Variants in SCAPER observed in about 807,000 individuals in gnomAD.
SCAPER encodes the protein S phase cyclin A-associated protein in the endoplasmic reticulum.
Under a neutral mutation model 182.2 loss-of-function variants are expected in SCAPER, and 98 were observed. That is an observed-to-expected ratio of 0.54 (90% confidence interval 0.46 to 0.64). The LOEUF (loss-of-function observed/expected upper bound fraction) is 0.64, where lower values mean the gene tolerates loss of function less well. Ranked by LOEUF, SCAPER falls within the 30% of genes least tolerant of loss-of-function variation. The probability of loss-of-function intolerance (pLI) is 0.00; values close to 1 mark genes in which losing one functional copy is unlikely to be tolerated. For synonymous variants in SCAPER, 605 were observed against 564.6 expected, an observed-to-expected ratio of 1.07 and a Z score of -1.01; for missense variants, 1,432 against 1,690.0, an observed-to-expected ratio of 0.85 and a Z score of 2.68.
At chr15:76,693,622 T>C (rs974004720) in intron 20 of SCAPER, among the ~76,000 whole-genome samples, 1 of 152,148 alleles carries the variant, frequency 6.6e-6, no homozygotes, top group Non-Finnish European at 1.5e-5. Context: ...CAAAATATAG[T>C]ATACACAATT....
intron 17 of SCAPER, among the ~76,000 whole-genome samples, chr15:76,714,818 G>A (rs2170998): frequency 0.82 from 124,094 of 152,088 alleles, 51,428 homozygotes; most frequent in Middle Eastern, 0.91. Flanking sequence ...TCGGTAAATT[G>A]CGAAAATACA....
intron 5 of SCAPER, among the ~76,000 whole-genome samples, chr15:76,825,560 T>C (rs1363223063): frequency 6.6e-6 from 1 of 152,240 alleles, no homozygotes; most frequent in East Asian, 1.9e-4. Context: ...ATTCTTAAAA[T>C]ATTTACCTTC....
intron 23 of SCAPER, among the ~76,000 whole-genome samples, chr15:76,546,626 TTC>T (rs145432300): frequency 1.3e-5 from 2 of 151,076 alleles, no homozygotes; most frequent in Non-Finnish European, 3.0e-5. Context: ...GCTTTTATAC[TTC>T]TCTCTCTCTC....
intron 19 of SCAPER, among the ~76,000 whole-genome samples, chr15:76,702,284 C>A (rs2059000791): frequency 6.6e-6 from 1 of 151,978 alleles, no homozygotes; most frequent in South Asian, 2.1e-4. Flanking sequence ...ATCTAATACC[C>A]CAAAAATACT....
intron 22 of SCAPER, among the ~76,000 whole-genome samples, chr15:76,599,116 A>G (rs2049726305): frequency 8.3e-6 from 1 of 121,022 alleles, no homozygotes; most frequent in South Asian, 2.5e-4. Flanking sequence ...ATATCTGAAT[A>G]GACACTTGCC....
chr15:76,602,235 C>G (rs2049980785), intron 22 of SCAPER, among the ~76,000 whole-genome samples: 1 of 121,876 alleles, frequency 8.2e-6, no homozygotes, highest in African/African-American at 2.5e-5. Flanking sequence ...TTATACAGAT[C>G]TGAGTTTCTG....
intron 2 of SCAPER, among the ~76,000 whole-genome samples, chr15:76,881,463 A>C (rs1263607834): frequency 6.6e-6 from 1 of 152,250 alleles, no homozygotes; most frequent in East Asian, 1.9e-4. Context: ...ATAGCTAAAA[A>C]GGGGAAACAG....
intron 22 of SCAPER, among the ~76,000 whole-genome samples, chr15:76,609,751 G>A (rs1191645145): frequency 2.0e-5 from 3 of 152,338 alleles, no homozygotes; most frequent in Admixed American, 1.3e-4. Context: ...AACTATGGTA[G>A]TATATCAGCC....
intron 1 of SCAPER, among the ~76,000 whole-genome samples, chr15:76,897,120 G>GT (rs576887762): frequency 1.1e-3 from 169 of 152,248 alleles, no homozygotes; most frequent in Non-Finnish European, 2.1e-3. Context: ...TTGTAGGGTT[G>GT]TTTTCAAAAT....
At chr15:76,771,976 A>G (rs182641253) in intron 9 of SCAPER, 22 bp from the exon 10 acceptor site, 1 of 1,540,928 alleles carries the variant, frequency 6.5e-7, no homozygotes, top group Non-Finnish European at 8.9e-7. Context: ...TAGAGAATGA[A>G]TCAGAGATAA....
chr15:76,745,318 G>A (rs1488243740), intron 15 of SCAPER, among the ~76,000 whole-genome samples: 3 of 152,054 alleles, frequency 2.0e-5, no homozygotes, highest in Non-Finnish European at 2.9e-5. Context: ...GCGTGGTGGC[G>A]TGTGCTTGTA....
At chr15:76,476,654 G>T (rs2050666353) in intron 24 of SCAPER, among the ~76,000 whole-genome samples, 1 of 121,636 alleles carries the variant, frequency 8.2e-6, no homozygotes, top group Admixed American at 1.1e-4. Context: ...TGTTGCCCAG[G>T]CTGGTCTTGA....
intron 26 of SCAPER, among the ~76,000 whole-genome samples, chr15:76,408,215 A>G (rs544547297): frequency 6.6e-6 from 1 of 152,156 alleles, no homozygotes; most frequent in Non-Finnish European, 1.5e-5. Context: ...AAATGTATGT[A>G]TTTGTTGATG....
chr15:76,625,641 TGCTCAGG>T (rs1477547435), intron 21 of SCAPER, among the ~76,000 whole-genome samples: 1 of 152,144 alleles, frequency 6.6e-6, no homozygotes, highest in Non-Finnish European at 1.5e-5. Context: ...TTTCTGTAGC[TGCTCAGG>T]GCTCAGGAGT....
At chr15:76,837,457 G>A (rs1256424998) in intron 5 of SCAPER, among the ~76,000 whole-genome samples, 1 of 152,172 alleles carries the variant, frequency 6.6e-6, no homozygotes, top group Non-Finnish European at 1.5e-5. Context: ...GCAGCAAGGA[G>A]AAGTGTGGAG....
At chr15:76,451,317 G>A (rs1381431604) in intron 25 of SCAPER, among the ~76,000 whole-genome samples, 1 of 152,208 alleles carries the variant, frequency 6.6e-6, no homozygotes, top group Admixed American at 6.5e-5. Flanking sequence ...AGGATGCTAA[G>A]ATCATTCCTG....
intron 28 of SCAPER, among the ~76,000 whole-genome samples, chr15:76,377,009 C>T (rs1289284178): frequency 1.3e-5 from 2 of 152,100 alleles, no homozygotes; most frequent in African/African-American, 4.8e-5. Context: ...ATAAACATGT[C>T]AAACAGACAG....
At chr15:76,535,631 T>A (rs2044090829) in intron 23 of SCAPER, among the ~76,000 whole-genome samples, 1 of 152,052 alleles carries the variant, frequency 6.6e-6, no homozygotes, top group Non-Finnish European at 1.5e-5. Context: ...GGAAAATTTA[T>A]GTTGCCCAGA....
chr15:76,905,221 G>A (rs773710248), intron 1 of SCAPER, 78 bp downstream of exon 1: 15 of 173,440 alleles, frequency 8.6e-5, no homozygotes, highest in Non-Finnish European at 1.4e-4. Flanking sequence ...CCTGGTCCCC[G>A]CAAGGCATTC....
Sources: gnomAD v4.1 joint callset for allele counts (sites outside exome capture counted in the v4.1 genomes callset) on GRCh38, gnomAD v4.1.1 for gene constraint, MANE v1.5 for transcripts, NCBI Gene and HGNC (gene_info 2026-07-23, HGNC 2026-07-21) for gene names.